Variants in JADE3 observed in about 807,000 individuals in gnomAD.
The protein encoded by JADE3 is protein Jade-3.
JADE3 carries 2 observed loss-of-function variants against 50.1 expected under a neutral mutation model. That is an observed-to-expected ratio of 0.04 (90% CI 0.02 to 0.13). The LOEUF (loss-of-function observed/expected upper bound fraction) is 0.13. JADE3 is among the 10% of genes least tolerant of loss of function. The pLI is 1.00. For synonymous variants in JADE3, 218 were observed against 232.9 expected (o/e 0.94, Z 0.58); for missense variants, 475 against 634.4 (o/e 0.75, Z 2.70).
At chrX:46,997,818 A>G (rs1602401110) in intron 3 of JADE3, among the ~76,000 whole-genome samples, 1 of 112,609 alleles carries the variant, frequency 8.9e-6, no homozygotes, top group Admixed American at 9.4e-5. Context: ...AATTTAAGAA[A>G]GTTAAGGATT....
intron 3 of JADE3, among the ~76,000 whole-genome samples, chrX:46,993,361 C>T (rs1928058787): frequency 8.9e-6 from 1 of 112,141 alleles, no homozygotes; most frequent in Admixed American, 9.4e-5. Context: ...ACTTGGTTTT[C>T]TGACCTACAG....
chrX:47,030,493 A>G (rs1556366509), intron 6 of JADE3, among the ~76,000 whole-genome samples: 2 of 111,757 alleles, frequency 1.8e-5, no homozygotes, highest in South Asian at 3.7e-4. Context: ...CTTGGATTCT[A>G]AAGAGATACT....
Position 46,963,843 on chromosome X carries a change from A to G in JADE3, c.-11-21041A>G, listed in dbSNP as rs1178893517. On this transcript the variant is annotated intron_variant, in intron 1 of 10. Transcript: ENST00000614628. The stretch of plus-strand genomic sequence containing the variant: ...CTGGCACACCATCACCTCATACTGT[A>G]CTCGATTGCCCTAAGCAAGCCACAA... Among the ~76,000 whole-genome samples, 3 of 111,704 alleles carry G rather than the reference A, an allele frequency of 2.7e-5. No homozygotes were observed. In the Admixed American group the frequency reaches 2.8e-4, roughly 11 times the overall value.
At chrX:47,007,805 TTTTGTGTG>T (rs1174435554) in intron 4 of JADE3, among the ~76,000 whole-genome samples, 2,633 of 79,791 alleles carry the variant, frequency 0.033, 48 homozygotes, top group East Asian at 0.11. Flanking sequence ...TGTCCTTTTA[TTTTGTGTG>T]TGTGTGTGTG....
intron 4 of JADE3, among the ~76,000 whole-genome samples, chrX:47,008,076 CAGT>C (rs1304186834): frequency 9.0e-6 from 1 of 111,326 alleles, no homozygotes; most frequent in Non-Finnish European, 1.9e-5. Context: ...CAAGTGATAA[CAGT>C]AGAAGAGAAA....
chrX:46,944,989 G>A (rs983077670), intron 1 of JADE3, among the ~76,000 whole-genome samples: 2 of 106,677 alleles, frequency 1.9e-5, no homozygotes, highest in African/African-American at 7.0e-5. Flanking sequence ...GACTACAGGC[G>A]CACACCACCA....
chrX:46,934,464 A>C (rs1926569229), intron 1 of JADE3, among the ~76,000 whole-genome samples: 1 of 111,471 alleles, frequency 9.0e-6, no homozygotes, highest in African/African-American at 3.3e-5. Flanking sequence ...ACGCCTGGCT[A>C]ATTTTTTATA....
At chrX:46,978,576 A>C (rs1927674362) in intron 1 of JADE3, among the ~76,000 whole-genome samples, 1 of 111,766 alleles carries the variant, frequency 8.9e-6, no homozygotes, top group Non-Finnish European at 1.9e-5. Context: ...CCGGAATCAC[A>C]TGGGGCATAG....
rs2147137439 is a variant in JADE3 at position 46,998,247 on chromosome X, G to A, written c.254G>A (p.Ser85Asn). The A allele has an allele frequency of 8.3e-7, 1 of 1,209,241 alleles. No individual in the cohort carries two copies. Among genetic ancestry groups the A allele is most frequent in the Non-Finnish European group, 1.1e-6 (1 of 894,101 alleles). The change falls in exon 4 of 11, where the codon AGT becomes AAT. Residue 85 changes from serine (S) to asparagine (N), a missense_variant. Physicochemically the swap from Ser to Asn is conservative, Grantham distance 46. Transcript: ENST00000614628. ...GAAAAGGGAGTCCAGGTACCAGCCA[G>A]TCCAGACACCGTTCCACAGCCTTCT... ...EWEKGVQVPA[S>N]PDTVPQPSLR...
chrX:47,044,081 A>C (rs1457700642), intron 8 of JADE3, among the ~76,000 whole-genome samples: 1 of 111,559 alleles, frequency 9.0e-6, no homozygotes, highest in Non-Finnish European at 1.9e-5. Flanking sequence ...AAGAGGAGGT[A>C]GAGAGAGAGA....
Position 47,058,837 on chromosome X carries a change from G to A in JADE3, c.2232G>A (p.Glu744=). The A allele has an allele frequency of 8.3e-7, 1 of 1,209,091 alleles. No homozygotes were observed. The change falls in exon 11 of 11, where the codon GAG becomes GAA. Residue 744 remains glutamate, a synonymous_variant. Transcript: ENST00000614628. ...CAACCAAGAATATGAGCCCCAAGGA[G>A]CAGTTCTGGGGTAGACAGGTTCTCA... ...VKPTKNMSPK[E]QFWGRQVLRR...
chrX:46,965,701 A>T (rs1556348932), intron 1 of JADE3, among the ~76,000 whole-genome samples: 1 of 111,732 alleles, frequency 8.9e-6, no homozygotes, highest in Non-Finnish European at 1.9e-5. Context: ...GGGAGAAGGG[A>T]TGGTATAAAG....
intron 5 of JADE3, 93 bp from the exon 6 acceptor site, chrX:47,027,799 G>A: frequency 1.4e-6 from 1 of 723,500 alleles, no homozygotes; most frequent in African/African-American, 2.1e-5. Flanking sequence ...TTATCCTTTA[G>A]AATCCTACCC....
At chrX:47,019,746 G>T (rs929583169) in intron 4 of JADE3, among the ~76,000 whole-genome samples, 7 of 111,546 alleles carry the variant, frequency 6.3e-5, no homozygotes, top group African/African-American at 2.0e-4. Context: ...ACTGGAGGAG[G>T]CCATAGATCA....
rs782408961 is a variant in JADE3 at position 46,938,873 on chromosome X, G to A, written c.-12+26154G>A. Among the ~76,000 whole-genome samples, 5 of 112,310 alleles carry A rather than the reference G, an allele frequency of 4.5e-5. No individual in the cohort carries two copies. In the East Asian group the frequency reaches 1.4e-3, roughly 31 times the overall value. On this transcript the variant is annotated intron_variant, in intron 1 of 10. Coordinates refer to ENST00000614628, the MANE Select transcript of JADE3 (RefSeq NM_014735.5). ...GACGGAGTCTCGCTCTGTTGCCCAG[G>A]CCGGTGTGCAGTAGCATGATCTCAG... is the stretch of plus-strand genomic sequence containing the variant.
chrX:46,968,980 A>G (rs1175869630), intron 1 of JADE3, among the ~76,000 whole-genome samples: 1 of 112,883 alleles, frequency 8.9e-6, no homozygotes, highest in African/African-American at 3.2e-5. Context: ...ACAGCATAAT[A>G]TACTTACTTT....
At position 47,059,006 on chromosome X, in the gene JADE3, C is replaced by T; in HGVS notation, c.2401C>T (p.His801Tyr). 8.3e-7 allele frequency: 1 copy of T among 1,209,365 alleles called. No individual in the cohort carries two copies. Among genetic ancestry groups the T allele is most frequent in the Non-Finnish European group, 1.1e-6 (1 of 894,453 alleles). Residue 801 changes from histidine (H) to tyrosine (Y), a missense_variant, in exon 11 of 11, where the codon CAT (histidine) becomes TAT (tyrosine). Coordinates refer to ENST00000614628, the MANE Select transcript of JADE3 (RefSeq NM_014735.5). Reference sequence around the variant, plus strand: ...TAGCTCAGACAGGGAAAATCCTCCCCATGACTCTAGACGGGATTGCCATGG... The same window carrying T: ...TAGCTCAGACAGGGAAAATCCTCCCTATGACTCTAGACGGGATTGCCATGG... ...KDSSDRENPP[H>Y]DSRRDCHGKS... is the part of the protein sequence containing the mutation.
intron 1 of JADE3, among the ~76,000 whole-genome samples, chrX:46,979,674 A>G (rs1927698706): frequency 9.0e-6 from 1 of 110,868 alleles, no homozygotes; most frequent in South Asian, 3.8e-4. Flanking sequence ...CCCACAAGCC[A>G]TGTACGAGTG....
chrX:46,918,554 C>T (rs1289410684), intron 1 of JADE3, among the ~76,000 whole-genome samples: 4 of 112,076 alleles, frequency 3.6e-5, no homozygotes, highest in Non-Finnish European at 7.5e-5. Context: ...GTTCTGTTCC[C>T]CTTCCCATAA....
Sources: gnomAD v4.1 joint callset for allele counts (sites outside exome capture counted in the v4.1 genomes callset) on GRCh38, gnomAD v4.1.1 for gene constraint, MANE v1.5 for transcripts, NCBI Gene and HGNC (gene_info 2026-07-23, HGNC 2026-07-21) for gene names.